The following ZNF83 variants were observed in gnomAD, a reference collection of about 807,000 sequenced individuals.
ZNF83 encodes zinc finger protein 83.
For missense variants in ZNF83, 552 were observed against 629.9 expected (o/e 0.88, Z 1.32); for synonymous variants, 209 against 213.0 (o/e 0.98, Z 0.17).
chr19:52,681,870 C>T (rs1179000735), intron 1 of ZNF83, among the ~76,000 whole-genome samples: 2 of 152,122 alleles, frequency 1.3e-5, no homozygotes, highest in Non-Finnish European at 2.9e-5. Context: ...CCTTTTAAGA[C>T]AGAGTCTCAC....
At chr19:52,629,026 T>G (rs1279840837) in intron 2 of ZNF83, among the ~76,000 whole-genome samples, 1 of 151,924 alleles carries the variant, frequency 6.6e-6, no homozygotes, top group Non-Finnish European at 1.5e-5. Context: ...CCTCCTTCAC[T>G]ATAGGCAATA....
chr19:52,628,457 C>T (rs920940738), intron 2 of ZNF83, among the ~76,000 whole-genome samples: 10 of 152,164 alleles, frequency 6.6e-5, no homozygotes, highest in African/African-American at 2.4e-4. Flanking sequence ...CAATTCCTTT[C>T]ATTTTCTGGT....
chr19:52,654,316 T>G (rs2061479594), intron 3 of ZNF83: 2 of 1,477,400 alleles, frequency 1.4e-6, no homozygotes, highest in African/African-American at 2.8e-5. Context: ...ATGACTTTTA[T>G]GTCTTTGCAA....
At chr19:52,666,402 T>A (rs147158783) in intron 1 of ZNF83, among the ~76,000 whole-genome samples, 17 of 152,212 alleles carry the variant, frequency 1.1e-4, no homozygotes, top group African/African-American at 3.4e-4. Context: ...AATACCACCC[T>A]GTTGTCAGTG....
chr19:52,680,106 G>A (rs1245556196), intron 1 of ZNF83, among the ~76,000 whole-genome samples: 1 of 152,064 alleles, frequency 6.6e-6, no homozygotes, highest in South Asian at 2.1e-4. Flanking sequence ...TTGAACCTTG[G>A]AGACAGAGGT....
chr19:52,636,176 TTGG>T (rs1232299967), intron 1 of ZNF83: 3 of 151,504 alleles, frequency 2.0e-5, no homozygotes, highest in Non-Finnish European at 2.9e-5. Flanking sequence ...GCCGGGCTTC[TTGG>T]TGGCTCATCA....
intron 1 of ZNF83, among the ~76,000 whole-genome samples, chr19:52,662,804 G>A (rs1173109207): frequency 6.6e-6 from 1 of 152,062 alleles, no homozygotes; most frequent in Admixed American, 6.6e-5. Context: ...TCAGAAGGAG[G>A]TGCGGCTCAT....
At chr19:52,619,543 T>A (rs999046909) in intron 2 of ZNF83, among the ~76,000 whole-genome samples, 2 of 152,066 alleles carry the variant, frequency 1.3e-5, no homozygotes, top group African/African-American at 4.8e-5. Flanking sequence ...GGAGAATTGC[T>A]TGAAGCCGGG....
At chr19:52,674,013 C>T (rs971657240) in intron 1 of ZNF83, among the ~76,000 whole-genome samples, 24 of 86,356 alleles carry the variant, frequency 2.8e-4, no homozygotes, top group Admixed American at 6.2e-4. Flanking sequence ...GAGACTCCAT[C>T]TCAAAAAAAA....
At chr19:52,619,945 G>A (rs1240435825) in intron 2 of ZNF83, among the ~76,000 whole-genome samples, 4 of 152,200 alleles carry the variant, frequency 2.6e-5, no homozygotes, top group African/African-American at 9.6e-5. Context: ...AACTACTTGG[G>A]AGGCCGAGGT....
chr19:52,689,115 A>G (rs1016966213), intron 1 of ZNF83, among the ~76,000 whole-genome samples: 3 of 152,136 alleles, frequency 2.0e-5, no homozygotes, highest in African/African-American at 4.8e-5. Context: ...AAGATATGTT[A>G]TGCTATAGAT....
At chr19:52,642,852 C>T (rs527561608), upstream of ZNF83, among the ~76,000 whole-genome samples, 1 of 152,174 alleles carries the variant, frequency 6.6e-6, no homozygotes, top group African/African-American at 2.4e-5. Flanking sequence ...GAAACCCTGT[C>T]TCTACTAAAA....
At chr19:52,648,150 TATC>T (rs199949555) in intron 3 of ZNF83, among the ~76,000 whole-genome samples, 1 of 147,572 alleles carries the variant, frequency 6.8e-6, no homozygotes, top group Non-Finnish European at 1.5e-5. Context: ...CCTGCTTTCT[TATC>T]TTTTTTTTTT....
intron 3 of ZNF83, among the ~76,000 whole-genome samples, chr19:52,649,588 G>A (rs1488169208): frequency 6.6e-6 from 1 of 152,148 alleles, no homozygotes; most frequent in African/African-American, 2.4e-5. Context: ...AGGAGTCAGT[G>A]CCCTGTGCTC....
intron 3 of ZNF83, chr19:52,652,623 G>A: frequency 2.2e-6 from 1 of 463,398 alleles, no homozygotes; most frequent in Non-Finnish European, 4.3e-6. Context: ...TGAAATATCT[G>A]CCACATTTAC....
intron 1 of ZNF83, among the ~76,000 whole-genome samples, chr19:52,679,555 G>C (rs2061873122): frequency 6.6e-6 from 1 of 152,180 alleles, no homozygotes; most frequent in Non-Finnish European, 1.5e-5. Flanking sequence ...AGGTTGCAAT[G>C]AGCACAGATT....
chr19:52,683,990 C>A (rs977611172), intron 1 of ZNF83, among the ~76,000 whole-genome samples: 3 of 152,116 alleles, frequency 2.0e-5, no homozygotes, highest in African/African-American at 2.4e-5. Context: ...TTCCAGTACA[C>A]CGGGAGACCA....
At chr19:52,683,538 T>A (rs1296370531) in intron 1 of ZNF83, among the ~76,000 whole-genome samples, 1 of 88,040 alleles carries the variant, frequency 1.1e-5, no homozygotes, top group South Asian at 3.4e-4. Flanking sequence ...AAGGGCAAAG[T>A]CCCTGCCCAT....
chr19:52,642,681 T>A (rs1213663087), upstream of ZNF83, among the ~76,000 whole-genome samples: 1 of 152,180 alleles, frequency 6.6e-6, no homozygotes, highest in Non-Finnish European at 1.5e-5. Flanking sequence ...GACACACTGA[T>A]ATTTCTTTAT....
Sources: allele counts gnomAD v4.1 joint callset (sites outside exome capture counted in the v4.1 genomes callset), GRCh38; gene constraint gnomAD v4.1.1; transcripts MANE v1.5; gene names NCBI Gene and HGNC (gene_info 2026-07-23, HGNC 2026-07-21).